MAP3K9: variants seen among roughly 807,000 people sequenced by gnomAD.
The protein encoded by MAP3K9 is mitogen-activated protein kinase kinase kinase 9.
In MAP3K9, 46 loss-of-function variants were observed where a neutral mutation model predicts 95.8. The ratio of observed to expected loss-of-function variants is 0.48; its 90% confidence interval spans 0.38 to 0.61. MAP3K9 has a LOEUF of 0.61. Ranked by LOEUF, MAP3K9 falls within the 20% of genes least tolerant of loss-of-function variation. MAP3K9 has a pLI of 0.00. For missense variants in MAP3K9, 1,296 were observed against 1,474.3 expected, an observed-to-expected ratio of 0.88 and a Z score of 1.98; for synonymous variants, 533 against 593.8, an observed-to-expected ratio of 0.90 and a Z score of 1.49.
intron 2 of MAP3K9, among the ~76,000 whole-genome samples, chr14:70,798,503 G>A (rs1312826236): frequency 5.1e-5 from 4 of 78,068 alleles, no homozygotes; most frequent in African/African-American, 2.0e-4. Flanking sequence ...TTTTGAGACG[G>A]AGTCTCGCTC....
At chr14:70,760,497 T>C (rs1427393940) in intron 3 of MAP3K9, among the ~76,000 whole-genome samples, 1 of 152,182 alleles carries the variant, frequency 6.6e-6, no homozygotes, top group Non-Finnish European at 1.5e-5. Flanking sequence ...AAAGATGAAC[T>C]AGATAACTGG....
Position 70,809,056 on chromosome 14 carries a change from G to C in MAP3K9, c.116C>G (p.Ala39Gly). 1 of 1,421,766 alleles carries C rather than the reference G, an allele frequency of 7.0e-7. No individual in the cohort carries two copies. The highest frequency in any genetic ancestry group is 9.2e-7 in the Non-Finnish European group (1 of 1,089,606). 88.1% of individuals were successfully genotyped at this position (1,421,766 alleles called of 1,614,324 possible). A position where few individuals can be genotyped will look rare whatever the true frequency, so the allele number is the denominator to read the frequency against. The change falls in exon 1 of 12, where the codon GCG becomes GGG. Residue 39 changes from alanine to glycine, a missense_variant. Ala to Gly is a moderately conservative substitution (Grantham distance 60). Around this residue, in one of 5 missense-constraint regions of MAP3K9, gnomAD observed 338 missense variants for 363.4 expected, o/e 0.93. Coordinates refer to ENST00000554752, the MANE Select transcript of MAP3K9 (RefSeq NM_001284230.2). ...CTCCCCGGGGCCCACCGCCGCCGCC[G>C]CCTCCTCCTCCTCCTCCTCCTCCTC... ...AEEEEEEEEE[A>G]AAAVGPGELG... is the part of the protein sequence containing the mutation.
At chr14:70,775,938 G>A (rs565577541) in intron 2 of MAP3K9, among the ~76,000 whole-genome samples, 9 of 152,176 alleles carry the variant, frequency 5.9e-5, no homozygotes, top group East Asian at 1.9e-4. Context: ...CCTGTAATCC[G>A]AGCACTTTGG....
intron 2 of MAP3K9, among the ~76,000 whole-genome samples, chr14:70,784,117 C>T (rs929842965): frequency 2.6e-5 from 4 of 151,836 alleles, no homozygotes; most frequent in African/African-American, 9.7e-5. Flanking sequence ...AATTGCACCT[C>T]TACTAAAAAT....
At chr14:70,779,581 C>T (rs12883087) in intron 2 of MAP3K9, among the ~76,000 whole-genome samples, 78,290 of 152,018 alleles carry the variant, frequency 0.52, 20,233 homozygotes, top group South Asian at 0.62. Context: ...GTGAGTTCAG[C>T]GGGGTTTAGT....
intron 3 of MAP3K9, among the ~76,000 whole-genome samples, chr14:70,752,282 T>C (rs747918074): frequency 2.0e-5 from 3 of 152,186 alleles, no homozygotes; most frequent in East Asian, 1.9e-4. Context: ...TGCTAGCCTA[T>C]AGGCTCCTAA....
chr14:70,754,364 C>A (rs952511088), intron 3 of MAP3K9, among the ~76,000 whole-genome samples: 8 of 152,280 alleles, frequency 5.3e-5, no homozygotes, highest in African/African-American at 1.7e-4. Flanking sequence ...AGTAAACACA[C>A]CCAAATATCA....
Position 70,796,420 on chromosome 14 carries a change from T to C in MAP3K9, c.820+4247A>G, listed in dbSNP as rs574962649. 9.2e-5 allele frequency among the ~76,000 whole-genome samples: 14 copies of C among 152,302 alleles called. No homozygotes were observed. In the East Asian group the frequency reaches 2.7e-3, roughly 29 times the overall value. On this transcript the variant is annotated intron_variant, in intron 2 of 11. Coordinates refer to ENST00000554752, the MANE Select transcript of MAP3K9 (RefSeq NM_001284230.2). ...TTGTTTGGCTGTATGATGCTAGACA[T>C]CTGAGGTAACAGTTCATACCGATGC...
intron 2 of MAP3K9, among the ~76,000 whole-genome samples, chr14:70,800,266 G>A (rs1037141926): frequency 6.6e-6 from 1 of 152,090 alleles, no homozygotes; most frequent in African/African-American, 2.4e-5. Flanking sequence ...AGGTGTTTAG[G>A]TAAACATTCA....
chr14:70,779,982 A>G (rs2054652432), intron 2 of MAP3K9, among the ~76,000 whole-genome samples: 1 of 152,230 alleles, frequency 6.6e-6, no homozygotes, highest in South Asian at 2.1e-4. Flanking sequence ...TAGTGTCTTG[A>G]TCCTTCAGAC....
At chr14:70,745,753 G>A (rs1246936354) in intron 5 of MAP3K9, among the ~76,000 whole-genome samples, 1 of 151,770 alleles carries the variant, frequency 6.6e-6, no homozygotes, top group East Asian at 1.9e-4. Context: ...AAAAAAAAGT[G>A]ATAGAAAAGA....
At chr14:70,783,740 CTCACGCATGGTCCATTTGGCCATAAAT>C in intron 2 of MAP3K9, among the ~76,000 whole-genome samples, 1 of 152,242 alleles carries the variant, frequency 6.6e-6, no homozygotes. Context: ...TGCTCTCTTG[CTCACGCATGGTCCATTTGGCCATAAAT>C]TCAGCTGCAA....
At chr14:70,747,149 T>C (rs770525088) in intron 5 of MAP3K9, among the ~76,000 whole-genome samples, 9 of 152,090 alleles carry the variant, frequency 5.9e-5, no homozygotes, top group African/African-American at 2.2e-4. Context: ...GTCATTTGTG[T>C]AGAATAAAAA....
At chr14:70,739,858 A>C (rs2054043148) in intron 7 of MAP3K9, 184 bp downstream of exon 7, 1 of 1,533,216 alleles carries the variant, frequency 6.5e-7, no homozygotes, top group South Asian at 1.2e-5. Flanking sequence ...TAGTAAAGTT[A>C]ATGGAGAGAG....
intron 3 of MAP3K9, among the ~76,000 whole-genome samples, chr14:70,753,637 G>C (rs55980641): frequency 6.6e-6 from 1 of 152,110 alleles, no homozygotes; most frequent in Non-Finnish European, 1.5e-5. Context: ...GGAAGAACTC[G>C]TTCAGCTAAG....
At chr14:70,798,829 G>A (rs2054896421) in intron 2 of MAP3K9, among the ~76,000 whole-genome samples, 1 of 152,114 alleles carries the variant, frequency 6.6e-6, no homozygotes, top group East Asian at 1.9e-4. Flanking sequence ...GTGGGGCGGG[G>A]ATGAAAATCA....
chr14:70,770,059 C>A (rs912439441), intron 2 of MAP3K9, among the ~76,000 whole-genome samples: 1 of 152,122 alleles, frequency 6.6e-6, no homozygotes, highest in African/African-American at 2.4e-5. Context: ...AGAGCCCTTC[C>A]TGGGAAAGTT....
Position 70,753,330 on chromosome 14 carries a change from G to A in MAP3K9, c.1002-3249C>T, listed in dbSNP as rs2054254939. Among the ~76,000 whole-genome samples, 3 of 152,310 alleles carry A rather than the reference G, an allele frequency of 2.0e-5. 1 individual carries two copies. In the South Asian group the frequency reaches 6.2e-4, roughly 32 times the overall value. On this transcript the variant is annotated intron_variant, in intron 3 of 11. Coordinates refer to ENST00000554752, the MANE Select transcript of MAP3K9 (RefSeq NM_001284230.2). ...ACAGTGTTGGTGAGAGCTTTGCTGA[G>A]GGACACTGGCATTCAGAGAAGAAGT...
chr14:70,728,749 T>C lies in MAP3K9; in HGVS notation c.*1631A>G, dbSNP rs2053853869. 1 of 152,094 alleles carries C rather than the reference T, an allele frequency of 6.6e-6. No homozygotes were observed. Among genetic ancestry groups the C allele is most frequent in the Non-Finnish European group, 1.5e-5 (1 of 68,026 alleles). 9.4% of individuals were successfully genotyped at this position (152,094 alleles called of 1,614,324 possible). On this transcript the variant is annotated 3_prime_UTR_variant, in exon 12 of 12. Transcript: ENST00000554752. ...CAAGGCAGGACATCTATCCCAGTTA[T>C]AGAGAAAGAGCAGTGACCAATTCAT...
Sources: gnomAD v4.1 joint callset for allele counts (sites outside exome capture counted in the v4.1 genomes callset) on GRCh38, gnomAD v4.1.1 for gene constraint, gnomAD v4.1.1 regional missense constraint, MANE v1.5 for transcripts, NCBI Gene and HGNC (gene_info 2026-07-23, HGNC 2026-07-21) for gene names.